COG6: variants seen among roughly 807,000 people sequenced by gnomAD.
COG6 encodes the protein component of oligomeric golgi complex 6.
A neutral mutation model predicts 88.8 loss-of-function variants in COG6; 74 were observed. That is an observed-to-expected ratio of 0.83 (90% CI 0.69 to 1.01). The LOEUF (loss-of-function observed/expected upper bound fraction) is 1.01, where lower values mean the gene tolerates loss of function less well. Ranked by LOEUF, COG6 falls within the 50% of genes least tolerant of loss-of-function variation. The pLI, the probability that COG6 is intolerant of heterozygous loss-of-function variation, is 0.00. For synonymous variants in COG6, 286 were observed against 278.7 expected, an observed-to-expected ratio of 1.03 and a Z score of -0.26; for missense variants, 800 against 797.9, an observed-to-expected ratio of 1.00 and a Z score of -0.03.
At chr13:39,707,269 C>T (rs1479618684) in intron 13 of COG6, among the ~76,000 whole-genome samples, 2 of 151,898 alleles carry the variant, frequency 1.3e-5, no homozygotes, top group South Asian at 2.1e-4. Context: ...GCTGGGACTA[C>T]AGGCATGCAC....
Position 39,701,445 on chromosome 13 carries a change from AT to A in COG6, c.1284+1835del, listed in dbSNP as rs754864418. Among the ~76,000 whole-genome samples the A allele has an allele frequency of 3.3e-5, 5 of 151,784 alleles. No individual in the cohort carries two copies. The South Asian group carries it at 1.0e-3, about 32-fold the overall frequency. On this transcript the variant is annotated intron_variant, in intron 13 of 18. Transcript: ENST00000455146. ...GGTTTGGATGAAGTCACTAGGAATA[AT>A]TTTTTTTATGAGTAGAGCTACCAGG...
intron 8 of COG6, among the ~76,000 whole-genome samples, chr13:39,684,287 C>T (rs1032900140): frequency 1.0e-5 from 1 of 96,462 alleles, no homozygotes; most frequent in Non-Finnish European, 1.9e-5. Context: ...GTCTAGCTGT[C>T]GCCCAGGCTG....
At chr13:39,737,682 C>T (rs568722531) in intron 18 of COG6, among the ~76,000 whole-genome samples, 161 of 152,050 alleles carry the variant, frequency 1.1e-3, no homozygotes, top group African/African-American at 3.8e-3. Flanking sequence ...GTCACGTGCA[C>T]CCCAAGTCCA....
intron 15 of COG6, among the ~76,000 whole-genome samples, chr13:39,722,196 C>T (rs1469916653): frequency 6.6e-6 from 1 of 151,864 alleles, no homozygotes; most frequent in African/African-American, 2.4e-5. Context: ...TGATGCTTTG[C>T]AGTAACTCTT....
At chr13:39,774,247 T>G (rs1881399488) in intron 18 of COG6, among the ~76,000 whole-genome samples, 1 of 152,226 alleles carries the variant, frequency 6.6e-6, no homozygotes, top group Admixed American at 6.5e-5. Context: ...GTAATACACA[T>G]TTTGAAGTCT....
intron 13 of COG6, among the ~76,000 whole-genome samples, chr13:39,715,750 C>T (rs551613109): frequency 7.2e-5 from 11 of 151,912 alleles, no homozygotes; most frequent in Admixed American, 3.3e-4. Context: ...ATCCTGTCAC[C>T]CTGAATTGAC....
chr13:39,776,646 G>A (rs931725367), intron 18 of COG6, among the ~76,000 whole-genome samples: 1 of 152,154 alleles, frequency 6.6e-6, no homozygotes, highest in Non-Finnish European at 1.5e-5. Flanking sequence ...AGAAATTGAA[G>A]ATGAAAAAAG....
intron 5 of COG6, 130 bp from the exon 6 acceptor site, chr13:39,679,408 G>A (rs919567357): frequency 5.9e-6 from 4 of 681,438 alleles, no homozygotes; most frequent in East Asian, 2.7e-5. Context: ...AGAGAAAGTT[G>A]AGATCAGTAT....
chr13:39,715,089 A>C (rs548684462), intron 13 of COG6, among the ~76,000 whole-genome samples: 1 of 152,222 alleles, frequency 6.6e-6, no homozygotes, highest in East Asian at 1.9e-4. Flanking sequence ...ATGAAAAATT[A>C]CATATTGGGC....
At position 39,655,849 on chromosome 13, in the gene COG6, G is replaced by A. The variant is rs757337069; in HGVS notation, c.123G>A (p.Lys41=). ...ACCCGCTGTCGCGCAAGCTGCATAA[G>A]ATCCTGGAGACGCGGCTGGACAACG... The part of the protein sequence containing the change: ...TCNPLSRKLH[K]ILETRLDNDK... The change falls in exon 1 of 19, where the codon AAG becomes AAA. Residue 41 remains lysine, a synonymous_variant. Transcript: ENST00000455146. 3.7e-6 allele frequency: 6 copies of A among 1,606,964 alleles called. No individual in the cohort carries two copies. Among genetic ancestry groups the A allele is most frequent in the Non-Finnish European group, 2.5e-6 (3 of 1,177,520 alleles).
intron 4 of COG6, among the ~76,000 whole-genome samples, chr13:39,675,545 T>C (rs896241421): frequency 1.3e-5 from 2 of 152,172 alleles, no homozygotes; most frequent in Non-Finnish European, 2.9e-5. Flanking sequence ...ATAAAAATAT[T>C]TTTGCACCAT....
At chr13:39,662,318 G>T (rs898837192) in intron 3 of COG6, among the ~76,000 whole-genome samples, 1 of 151,814 alleles carries the variant, frequency 6.6e-6, no homozygotes, top group African/African-American at 2.4e-5. Context: ...GTAGACACAG[G>T]ATTTCGCCAG....
intron 17 of COG6, 45 bp from the exon 18 acceptor site, chr13:39,727,424 G>GCACATATAT: frequency 7.3e-7 from 1 of 1,372,726 alleles, no homozygotes; most frequent in Non-Finnish European, 1.0e-6. Flanking sequence ...TTGTTTGTTA[G>GCACATATAT]CACATATATG....
At chr13:39,693,309 TTCTTTCTC>T (rs1448366903) in intron 11 of COG6, among the ~76,000 whole-genome samples, 1 of 151,984 alleles carries the variant, frequency 6.6e-6, no homozygotes, top group African/African-American at 2.4e-5. Context: ...TTTCCTTTCT[TTCTTTCTC>T]TCCCCTCTTT....
intron 11 of COG6, among the ~76,000 whole-genome samples, chr13:39,691,517 A>G (rs550312816): frequency 9.2e-5 from 14 of 152,096 alleles, no homozygotes; most frequent in African/African-American, 2.4e-4. Flanking sequence ...AGAAACTTCA[A>G]ATCTTTCCAT....
chr13:39,759,232 T>TA (rs1198060421), intron 18 of COG6, among the ~76,000 whole-genome samples: 1 of 152,024 alleles, frequency 6.6e-6, no homozygotes, highest in Non-Finnish European at 1.5e-5. Context: ...AATTTTTTCT[T>TA]AAAGTAAATT....
intron 4 of COG6, among the ~76,000 whole-genome samples, chr13:39,673,746 C>G (rs1331817302): frequency 6.6e-6 from 1 of 151,440 alleles, no homozygotes; most frequent in Non-Finnish European, 1.5e-5. Flanking sequence ...TATAACTCTA[C>G]CACTCAGATA....
chr13:39,692,846 G>T (rs1303693039), intron 11 of COG6, among the ~76,000 whole-genome samples: 1 of 151,840 alleles, frequency 6.6e-6, no homozygotes, highest in South Asian at 2.1e-4. Flanking sequence ...GATGTGCCAG[G>T]GTCTGTTCCA....
intron 13 of COG6, among the ~76,000 whole-genome samples, chr13:39,705,992 T>G (rs1392435173): frequency 6.6e-6 from 1 of 152,000 alleles, no homozygotes; most frequent in East Asian, 1.9e-4. Flanking sequence ...TCTGAAATGC[T>G]TTAATATTTA....
Sources: gnomAD v4.1 joint callset for allele counts (sites outside exome capture counted in the v4.1 genomes callset) on GRCh38, gnomAD v4.1.1 for gene constraint, MANE v1.5 for transcripts, NCBI Gene and HGNC (gene_info 2026-07-23, HGNC 2026-07-21) for gene names.